PARD3B: variants seen among roughly 807,000 people sequenced by gnomAD.
PARD3B encodes the protein par-3 family cell polarity regulator beta.
In PARD3B, 103 loss-of-function variants were observed where a neutral mutation model predicts 130.2. That is an observed-to-expected ratio of 0.79 (90% CI 0.67 to 0.93). PARD3B has a LOEUF of 0.93. PARD3B is among the 40% of genes least tolerant of loss of function. The pLI is 0.00. For synonymous variants in PARD3B, 583 were observed against 553.2 expected (o/e 1.05, Z -0.76); for missense variants, 1,609 against 1,499.2 (o/e 1.07, Z -1.21).
At chr2:204,852,453 T>C (rs1170801182) in intron 2 of PARD3B, among the ~76,000 whole-genome samples, 1 of 152,138 alleles carries the variant, frequency 6.6e-6, no homozygotes, top group East Asian at 1.9e-4. Context: ...TAAATGTTCA[T>C]ATTGTAAAAA....
At chr2:204,788,295 T>A (rs1393849601) in intron 2 of PARD3B, among the ~76,000 whole-genome samples, 3 of 152,204 alleles carry the variant, frequency 2.0e-5, no homozygotes, top group Admixed American at 1.3e-4. Flanking sequence ...ACAGAATCTA[T>A]GGAACATATT....
chr2:205,524,460 A>AGTTTTGCAGGTGCTTT (rs1236282177), intron 21 of PARD3B, among the ~76,000 whole-genome samples: 1 of 152,156 alleles, frequency 6.6e-6, no homozygotes, highest in East Asian at 1.9e-4. Context: ...GCATCTGCTT[A>AGTTTTGCAGGTGCTTT]GTTTTGCAGG....
intron 2 of PARD3B, among the ~76,000 whole-genome samples, chr2:204,929,933 A>T (rs879467907): frequency 2.0e-5 from 3 of 152,064 alleles, no homozygotes; most frequent in Non-Finnish European, 4.4e-5. Flanking sequence ...ACCACCTTTG[A>T]GATGAAAATC....
At chr2:204,625,429 C>T (rs1320657554) in intron 1 of PARD3B, among the ~76,000 whole-genome samples, 1 of 152,160 alleles carries the variant, frequency 6.6e-6, no homozygotes, top group Admixed American at 6.6e-5. Context: ...TAGAAAGCAT[C>T]ACTCTTGCAA....
rs149161187 is a variant in PARD3B at position 205,163,256 on chromosome 2, G to A, written c.1620+4349G>A. ...GAATTTTTGCTAAAGGAAGAATGTC[G>A]TATATCAGGTAGATTGTTTAGGGGC... On this transcript the variant is annotated intron_variant, in intron 11 of 22. Transcript: ENST00000406610. Among the ~76,000 whole-genome samples the A allele has an allele frequency of 2.2e-3, 335 of 152,222 alleles. 8 individuals carry two copies. The East Asian group carries it at 0.031, about 14-fold the overall frequency.
At chr2:204,596,656 C>T (rs1039915168) in intron 1 of PARD3B, among the ~76,000 whole-genome samples, 1 of 152,236 alleles carries the variant, frequency 6.6e-6, no homozygotes, top group Admixed American at 6.5e-5. Flanking sequence ...TGGCCAGGCG[C>T]GGTGGCTCAT....
chr2:205,086,238 G>A (rs967675407), intron 4 of PARD3B, among the ~76,000 whole-genome samples: 6 of 152,154 alleles, frequency 3.9e-5, no homozygotes, highest in Non-Finnish European at 8.8e-5. Flanking sequence ...TCCCCCAGGT[G>A]ACAGTAAATA....
At chr2:205,426,633 G>A (rs1236313660) in intron 19 of PARD3B, among the ~76,000 whole-genome samples, 3 of 152,164 alleles carry the variant, frequency 2.0e-5, no homozygotes, top group African/African-American at 2.4e-5. Context: ...GGTTCATACA[G>A]TAGCAACAAA....
At chr2:205,060,985 T>C (rs1700031519) in intron 4 of PARD3B, among the ~76,000 whole-genome samples, 1 of 152,090 alleles carries the variant, frequency 6.6e-6, no homozygotes, top group Non-Finnish European at 1.5e-5. Context: ...GGGACTTTAG[T>C]GGTTGGAGCT....
chr2:204,867,877 G>T (rs1027162492), intron 2 of PARD3B, among the ~76,000 whole-genome samples: 1 of 152,168 alleles, frequency 6.6e-6, no homozygotes, highest in Non-Finnish European at 1.5e-5. Flanking sequence ...TGAGCCAAAT[G>T]GGAAGTGTTT....
intron 18 of PARD3B, among the ~76,000 whole-genome samples, chr2:205,358,558 G>A (rs944605705): frequency 6.6e-6 from 1 of 152,204 alleles, no homozygotes; most frequent in African/African-American, 2.4e-5. Flanking sequence ...TCTGCCCCAA[G>A]GGGCGTGTGA....
intron 2 of PARD3B, among the ~76,000 whole-genome samples, chr2:204,830,436 C>T (rs558003101): frequency 1.1e-4 from 17 of 152,162 alleles, no homozygotes; most frequent in Non-Finnish European, 2.4e-4. Context: ...ATTAAGATAC[C>T]TTCAGGAATT....
chr2:205,469,301 A>G (rs2048743347), intron 20 of PARD3B, among the ~76,000 whole-genome samples: 1 of 152,118 alleles, frequency 6.6e-6, no homozygotes, highest in Non-Finnish European at 1.5e-5. Flanking sequence ...CCCCCAAACT[A>G]TAACTTGTCT....
At position 204,604,327 on chromosome 2, in the gene PARD3B, A is replaced by G. The variant is rs927591211; in HGVS notation, c.120+58208A>G. On this transcript the variant is annotated intron_variant, in intron 1 of 22. Transcript: ENST00000406610. ...TCCATTCTGGAATTCTTGGTATCAG[A>G]AAAAAGGTTTTATTATTAGCTCAGT... Among the ~76,000 whole-genome samples, 11 of 151,520 alleles carry G rather than the reference A, an allele frequency of 7.3e-5. No individual in the cohort carries two copies. In the South Asian group the frequency reaches 1.0e-3, roughly 14 times the overall value.
At chr2:204,710,339 A>G (rs565571954) in intron 2 of PARD3B, among the ~76,000 whole-genome samples, 33 of 152,340 alleles carry the variant, frequency 2.2e-4, no homozygotes, top group Middle Eastern at 3.4e-3. Flanking sequence ...AATGGAGGGA[A>G]AAAAGGTTAC....
chr2:205,524,081 T>C (rs898615608), intron 21 of PARD3B, among the ~76,000 whole-genome samples: 2 of 152,146 alleles, frequency 1.3e-5, no homozygotes, highest in Admixed American at 1.3e-4. Flanking sequence ...TATCTAACTT[T>C]TCTTTCTCTA....
chr2:205,119,554 G>A (rs1254553732), intron 7 of PARD3B, among the ~76,000 whole-genome samples: 5 of 152,038 alleles, frequency 3.3e-5, no homozygotes, highest in African/African-American at 1.2e-4. Context: ...GGCCGAGGAG[G>A]GCAGATCATG....
chr2:205,009,603 G>A (rs1185928659), intron 3 of PARD3B, among the ~76,000 whole-genome samples: 9 of 151,402 alleles, frequency 5.9e-5, no homozygotes, highest in Admixed American at 2.0e-4. Flanking sequence ...CCCGGGAGGC[G>A]GAGCTTTCAG....
At position 204,878,165 on chromosome 2, in the gene PARD3B, A is replaced by G. The variant is rs1172803640; in HGVS notation, c.223-86987A>G. 2.6e-5 allele frequency among the ~76,000 whole-genome samples: 4 copies of G among 152,362 alleles called. No homozygotes were observed. In the East Asian group the frequency reaches 7.7e-4, roughly 29 times the overall value. On this transcript the variant is annotated intron_variant, in intron 2 of 22. Transcript: ENST00000406610. ...TAACAGCACACCTGGCTTTAGTGTT[A>G]TAGCATAGAGTTAGTGTTGCAAGGT... is the stretch of plus-strand genomic sequence containing the variant.
Sources: allele counts gnomAD v4.1 joint callset (sites outside exome capture counted in the v4.1 genomes callset), GRCh38; gene constraint gnomAD v4.1.1; transcripts MANE v1.5; gene names NCBI Gene and HGNC (gene_info 2026-07-23, HGNC 2026-07-21).